Variants in PDPK1 observed in about 807,000 individuals in gnomAD.
PDPK1 encodes the protein 3-phosphoinositide dependent protein kinase 1, also known as 3-phosphoinositide-dependent protein kinase 1.
In PDPK1, 7 loss-of-function variants were observed where a neutral mutation model predicts 39.8. That is an observed-to-expected ratio of 0.18 (90% CI 0.10 to 0.33). PDPK1 has a LOEUF of 0.33. Among genes scored for constraint, PDPK1 ranks in the 10% least tolerant of loss-of-function variants. PDPK1 has a pLI of 1.00. For missense variants in PDPK1, 182 were observed against 384.7 expected, an observed-to-expected ratio of 0.47 and a Z score of 4.41; for synonymous variants, 118 against 159.1, an observed-to-expected ratio of 0.74 and a Z score of 1.95.
Position 2,601,111 on chromosome 16 carries a change from C to CT in PDPK1, c.*3350dup, listed in dbSNP as rs1344781783. 2 of 232,686 alleles carry CT rather than the reference C, an allele frequency of 8.6e-6. No homozygotes were observed. Among genetic ancestry groups the CT allele is most frequent in the African/African-American group, 2.2e-5 (1 of 45,214 alleles). 14.4% of individuals were successfully genotyped at this position (232,686 alleles called of 1,614,324 possible). A position where few individuals can be genotyped will look rare whatever the true frequency, so the allele number is the denominator to read the frequency against. On this transcript the variant is annotated 3_prime_UTR_variant, in exon 14 of 14. Coordinates refer to ENST00000342085, the MANE Select transcript of PDPK1 (RefSeq NM_002613.5). ...ATCTTTAAAATCTTCTGATTTCTTA[C>CT]TTTTTTCCCCCTTAGATGCCTGGAA...
In PDPK1 at chr16:2,586,857, G is replaced by A. The variant is rs374111988; in HGVS notation, c.1307G>A (p.Arg436Lys). The A allele has an allele frequency of 1.2e-6, 2 of 1,614,140 alleles. No homozygotes were observed. The highest frequency in any genetic ancestry group is 1.1e-5 in the South Asian group (1 of 91,084). Reference protein sequence around the residue: ...LDLQFSEDEKRLLLEKQAGGN... With the variant: ...LDLQFSEDEKKLLLEKQAGGN... The stretch of plus-strand genomic sequence containing the variant: ...TTACAGTTTTCCGAAGATGAGAAGA[G>A]GTTGTTGTTGGAGAAGCAGGCTGGC... Residue 436 changes from arginine (R) to lysine (K), a missense_variant, in exon 11 of 14, where the codon AGG becomes AAG. Arg to Lys is a conservative substitution (Grantham distance 26). Around this residue, in one of 5 missense-constraint regions of PDPK1, gnomAD observed 90 missense variants for 111.9 expected, o/e 0.80. Transcript: ENST00000342085.
chr16:2,538,227 G>A (rs1169674872), intron 1 of PDPK1, 91 bp downstream of exon 1: 1 of 651,902 alleles, frequency 1.5e-6, no homozygotes, highest in African/African-American at 2.0e-5. Flanking sequence ...GCGGCCCGGG[G>A]TCCCGAGGGC....
Position 2,601,846 on chromosome 16 carries a change from G to A in PDPK1, c.*4079G>A, listed in dbSNP as rs1406809895. On this transcript the variant is annotated 3_prime_UTR_variant, in exon 14 of 14. Transcript: ENST00000342085. Reference sequence around the variant, plus strand: ...CTGCCCACAGTGTTGCAGATTGCCTGGCTGGCAGCAAGTCCAGACCACCCA... The same window carrying A: ...CTGCCCACAGTGTTGCAGATTGCCTAGCTGGCAGCAAGTCCAGACCACCCA... The A allele has an allele frequency of 1.3e-5, 3 of 231,334 alleles. No individual in the cohort carries two copies. The highest frequency in any genetic ancestry group is 5.7e-5 in the Admixed American group (1 of 17,604). 14.3% of individuals were successfully genotyped at this position (231,334 alleles called of 1,614,324 possible). A position where few individuals can be genotyped will look rare whatever the true frequency, so the allele number is the denominator to read the frequency against.
intron 11 of PDPK1, among the ~76,000 whole-genome samples, chr16:2,587,094 G>A (rs555748049): frequency 2.0e-5 from 3 of 152,332 alleles, no homozygotes; most frequent in East Asian, 1.9e-4. Context: ...TGTGACCGCC[G>A]GGCGCTCCCC....
chr16:2,597,997 C>T lies in PDPK1; in HGVS notation c.*230C>T, dbSNP rs2067137774. 1.8e-6 allele frequency: 1 copy of T among 557,284 alleles called. No individual in the cohort carries two copies. Among genetic ancestry groups the T allele is most frequent in the Non-Finnish European group, 3.2e-6 (1 of 312,158 alleles). The allele number at this position is 557,284 out of a possible 1,614,324, so 34.5% of individuals were successfully genotyped here. On this transcript the variant is annotated 3_prime_UTR_variant, in exon 14 of 14. Transcript: ENST00000342085. This position sits in a 1 kb window ranked among gnomAD's most constrained non-coding sequence, Gnocchi z 6.3. The stretch of plus-strand genomic sequence containing the variant: ...AATTCAGGGTCGCTTTGCTTGCTCT[C>T]TGTGCTCCGTGGAGGCCTCCGTGTG...
chr16:2,597,085 T>A lies in PDPK1; in HGVS notation c.1402-38T>A. 1 of 1,514,622 alleles carries A rather than the reference T, an allele frequency of 6.6e-7. No homozygotes were observed. Among genetic ancestry groups the A allele is most frequent in the Non-Finnish European group, 8.9e-7 (1 of 1,122,684 alleles). 93.8% of individuals were successfully genotyped at this position (1,514,622 alleles called of 1,614,324 possible). A position where few individuals can be genotyped will look rare whatever the true frequency, so the allele number is the denominator to read the frequency against. On this transcript the variant is annotated intron_variant, in intron 12 of 13. Transcript: ENST00000342085. The surrounding 1 kb of genome is among the most constrained non-coding windows in gnomAD (Gnocchi z 6.3). The stretch of plus-strand genomic sequence containing the variant: ...AGGCTCCAGGAGATGCCGTCAGCAC[T>A]GGCCTCTGAGGCCTGTTGTTTTGTG...
chr16:2,547,161 G>A (rs2066364822), intron 1 of PDPK1, among the ~76,000 whole-genome samples: 1 of 150,016 alleles, frequency 6.7e-6, no homozygotes, highest in Non-Finnish European at 1.5e-5. Context: ...GGGGAGGCAG[G>A]TTAGTGAGCA....
In PDPK1 at chr16:2,601,925, A is replaced by G. The variant is rs1484281354; in HGVS notation, c.*4158A>G. On this transcript the variant is annotated 3_prime_UTR_variant, in exon 14 of 14. Transcript: ENST00000342085. ...TGTAGTTGGGGTCCATTGATTGTGCAGGGGAACGTGCAGGAGGTTTTTCTA... is the reference window on the plus strand; with the variant it reads ...TGTAGTTGGGGTCCATTGATTGTGCGGGGGAACGTGCAGGAGGTTTTTCTA... The G allele has an allele frequency of 1.7e-5, 4 of 232,132 alleles. No individual in the cohort carries two copies. In the East Asian group the frequency reaches 2.5e-4, roughly 14 times the overall value. 14.4% of individuals were successfully genotyped at this position (232,132 alleles called of 1,614,324 possible). A position where few individuals can be genotyped will look rare whatever the true frequency, so the allele number is the denominator to read the frequency against.
At chr16:2,547,228 C>G (rs1253553434) in intron 1 of PDPK1, among the ~76,000 whole-genome samples, 2 of 148,334 alleles carry the variant, frequency 1.3e-5, no homozygotes, top group Non-Finnish European at 2.9e-5. Context: ...CCCATGTGGA[C>G]CTCATCAGGG....
intron 1 of PDPK1, among the ~76,000 whole-genome samples, chr16:2,541,572 C>G (rs1372791689): frequency 6.6e-6 from 1 of 152,132 alleles, no homozygotes; most frequent in Non-Finnish European, 1.5e-5. Flanking sequence ...GAAACAGTCC[C>G]CCAAGCAGGT....
chr16:2,540,836 A>C (rs2066231672), intron 1 of PDPK1, among the ~76,000 whole-genome samples: 1 of 152,206 alleles, frequency 6.6e-6, no homozygotes, highest in Non-Finnish European at 1.5e-5. Flanking sequence ...ATTTTGCTGA[A>C]GGTAGAATTG....
chr16:2,580,333 G>A (rs999051500), intron 7 of PDPK1, among the ~76,000 whole-genome samples: 1 of 145,248 alleles, frequency 6.9e-6, no homozygotes, highest in Non-Finnish European at 1.5e-5. Flanking sequence ...TGCATGGGCA[G>A]GAGGAGGTCT....
At chr16:2,544,034 C>G (rs188938290) in intron 1 of PDPK1, among the ~76,000 whole-genome samples, 38 of 152,162 alleles carry the variant, frequency 2.5e-4, no homozygotes, top group Admixed American at 1.3e-4. Context: ...CGTGCCCGGC[C>G]TGCTTTACTA....
rs747310334 is a variant in PDPK1 at position 2,597,802 on chromosome 16, G to A, written c.*35G>A. ...CGGCCGGGCTGCCCTTCGCTGCCAG[G>A]ACACCTGCCCCAGCGCGGCTTGGCC... On this transcript the variant is annotated 3_prime_UTR_variant, in exon 14 of 14. Transcript: ENST00000342085. The surrounding 1 kb of genome is among the most constrained non-coding windows in gnomAD (Gnocchi z 6.3). 1 of 1,445,526 alleles carries A rather than the reference G, an allele frequency of 6.9e-7. No individual in the cohort carries two copies. Among genetic ancestry groups the A allele is most frequent in the South Asian group, 1.1e-5 (1 of 87,072 alleles). 89.5% of individuals were successfully genotyped at this position (1,445,526 alleles called of 1,614,324 possible).
chr16:2,563,207 CTG>C (rs1361547975), intron 4 of PDPK1: 3 of 105,252 alleles, frequency 2.9e-5, no homozygotes, highest in African/African-American at 1.0e-4. Flanking sequence ...GTTGGCTCCT[CTG>C]TGAGTGGAGC....
In PDPK1 at chr16:2,599,756, AT is replaced by A; in HGVS notation, c.*1990del. 6.5e-6 allele frequency: 1 copy of A among 152,920 alleles called. No individual in the cohort carries two copies. 9.5% of individuals were successfully genotyped at this position (152,920 alleles called of 1,614,324 possible). A position where few individuals can be genotyped will look rare whatever the true frequency, so the allele number is the denominator to read the frequency against. Reference sequence around the variant, plus strand: ...CCATCTCAGAACGTCCTGTGTCTCCATGTAGGAGAGTGGCTCTCTCAGATCT... The same window carrying A: ...CCATCTCAGAACGTCCTGTGTCTCCAGTAGGAGAGTGGCTCTCTCAGATCT... On this transcript the variant is annotated 3_prime_UTR_variant, in exon 14 of 14. Coordinates refer to ENST00000342085, the MANE Select transcript of PDPK1 (RefSeq NM_002613.5).
At position 2,584,814 on chromosome 16, in the gene PDPK1, C is replaced by T. The variant is rs373867149; in HGVS notation, c.1125+1229C>T. ...CTCTAAGGGAGCCAGGCTTGGGGAG[C>T]GGAGTCTGTGCCGCTTGATGTGGCC... On this transcript the variant is annotated intron_variant, in intron 10 of 13. Transcript: ENST00000342085. 1.1e-4 allele frequency among the ~76,000 whole-genome samples: 16 copies of T among 152,282 alleles called. No homozygotes were observed. In the South Asian group the frequency reaches 1.4e-3, roughly 14 times the overall value.
At chr16:2,538,892 T>C (rs941741119) in intron 1 of PDPK1, 11 of 650,170 alleles carry the variant, frequency 1.7e-5, no homozygotes, top group Non-Finnish European at 2.5e-5. Context: ...CTCGTGTTTT[T>C]ATGTTTTCCA....
In PDPK1 at chr16:2,597,661, C is replaced by T. The variant is rs1389216086; in HGVS notation, c.1565C>T (p.Thr522Met). ...KTFFVHTPNR[T>M]YYLMDPSGNA... ...CTTCTGTCTTCGCAGCCTAACAGGA[C>T]GTATTATCTGATGGACCCCAGCGGG... The change falls in exon 14 of 14, where the codon ACG becomes ATG. Residue 522 changes from threonine (T) to methionine (M), a missense_variant. Thr to Met is a moderately conservative substitution (Grantham distance 81, BLOSUM62 -1). Around this residue, in one of 5 missense-constraint regions of PDPK1, gnomAD observed 67 missense variants for 87.8 expected, o/e 0.76. Transcript: ENST00000342085. The surrounding 1 kb of genome is among the most constrained non-coding windows in gnomAD (Gnocchi z 6.3). 3.7e-6 allele frequency: 6 copies of T among 1,611,940 alleles called. No homozygotes were observed. The highest frequency in any genetic ancestry group is 1.3e-5 in the African/African-American group (1 of 75,032).
Sources: gnomAD v4.1 joint callset for allele counts (sites outside exome capture counted in the v4.1 genomes callset) on GRCh38, gnomAD v4.1.1 for gene constraint, gnomAD v4.1.1 regional missense constraint, Gnocchi (gnomAD v3.1) non-coding constraint, MANE v1.5 for transcripts, NCBI Gene and HGNC (gene_info 2026-07-23, HGNC 2026-07-21) for gene names.